Variants in DNAJC24 observed in about 807,000 individuals in gnomAD.
The protein encoded by DNAJC24 is dnaJ homolog subfamily C member 24.
A neutral mutation model predicts 18.0 loss-of-function variants in DNAJC24; 17 were observed. The ratio of observed to expected loss-of-function variants is 0.94; its 90% CI spans 0.65 to 1.42. The LOEUF (loss-of-function observed/expected upper bound fraction) is 1.42. Among genes scored for constraint, DNAJC24 ranks in the 40% most tolerant of loss-of-function variants. The pLI, the probability that DNAJC24 is intolerant of heterozygous loss-of-function variation, is 0.00. For missense variants in DNAJC24, 158 were observed against 175.6 expected (o/e 0.90, Z 0.57); for synonymous variants, 55 against 57.7 (o/e 0.95, Z 0.21).
At chr11:31,390,153 C>T (rs952175552) in intron 2 of DNAJC24, among the ~76,000 whole-genome samples, 5 of 151,940 alleles carry the variant, frequency 3.3e-5, no homozygotes, top group African/African-American at 1.2e-4. Context: ...TAATCCTAGC[C>T]ACCAGGCCAA....
chr11:31,427,128 G>A (rs1441777379), intron 4 of DNAJC24: 1 of 152,034 alleles, frequency 6.6e-6, no homozygotes, highest in Non-Finnish European at 1.5e-5. Flanking sequence ...TAACCTTATT[G>A]TTCAGCATGA....
intron 3 of DNAJC24, among the ~76,000 whole-genome samples, chr11:31,423,380 C>T (rs910806580): frequency 1.3e-5 from 2 of 152,174 alleles, no homozygotes; most frequent in Non-Finnish European, 2.9e-5. Context: ...CCTGTCTCAG[C>T]CTCCCTATTA....
At chr11:31,417,083 CA>C (rs1952757243) in intron 3 of DNAJC24, 1 of 152,088 alleles carries the variant, frequency 6.6e-6, no homozygotes, top group Admixed American at 6.6e-5. Flanking sequence ...GCAAGTTTTT[CA>C]GGCAGCATAT....
intron 2 of DNAJC24, among the ~76,000 whole-genome samples, chr11:31,399,606 A>T (rs1305191095): frequency 6.6e-6 from 1 of 151,108 alleles, no homozygotes; most frequent in East Asian, 2.0e-4. Context: ...TAGAGACGGG[A>T]TTCCAACATA....
chr11:31,430,861 G>A lies in DNAJC24; in HGVS notation c.*460G>A, dbSNP rs1032551587. The A allele has an allele frequency of 6.6e-6, 1 of 152,576 alleles. No homozygotes were observed. The highest frequency in any genetic ancestry group is 1.5e-5 in the Non-Finnish European group (1 of 68,044). The allele number at this position is 152,576 out of a possible 1,614,324, so 9.5% of individuals were successfully genotyped here. A position where few individuals can be genotyped will look rare whatever the true frequency, so the allele number is the denominator to read the frequency against. On this transcript the variant is annotated 3_prime_UTR_variant, in exon 5 of 5. Coordinates refer to ENST00000465995, the MANE Select transcript of DNAJC24 (RefSeq NM_181706.5). Reference sequence around the variant, plus strand: ...AATGTGAGGCCAGTTCTTCCATAAGGAAGGCTGGTTATGGATATTCATAAG... The same window carrying A: ...AATGTGAGGCCAGTTCTTCCATAAGAAAGGCTGGTTATGGATATTCATAAG...
intron 2 of DNAJC24, chr11:31,385,213 A>G (rs1005944682): frequency 1.8e-4 from 28 of 152,314 alleles, no homozygotes; most frequent in African/African-American, 6.7e-4. Context: ...GCAATTTATT[A>G]TTACATAATA....
chr11:31,430,460 G>T lies in DNAJC24; in HGVS notation c.*59G>T. On this transcript the variant is annotated 3_prime_UTR_variant, in exon 5 of 5. Transcript: ENST00000465995. Reference sequence around the variant, plus strand: ...TATTGAGACATGATGAGAAGCCGTTGAGCTTTGTCCATTCAAGGAAATGGA... The same window carrying T: ...TATTGAGACATGATGAGAAGCCGTTTAGCTTTGTCCATTCAAGGAAATGGA... 6.8e-7 allele frequency: 1 copy of T among 1,475,988 alleles called. No individual in the cohort carries two copies. Among genetic ancestry groups the T allele is most frequent in the South Asian group, 1.4e-5 (1 of 73,444 alleles). The allele number at this position is 1,475,988 out of a possible 1,614,324, so 91.4% of individuals were successfully genotyped here. A position where few individuals can be genotyped will look rare whatever the true frequency, so the allele number is the denominator to read the frequency against.
intron 2 of DNAJC24, among the ~76,000 whole-genome samples, chr11:31,402,400 C>G (rs556745724): frequency 6.6e-6 from 1 of 152,288 alleles, no homozygotes; most frequent in Admixed American, 6.5e-5. Flanking sequence ...TCACCGTACA[C>G]TATTGTAGAC....
chr11:31,406,809 T>C (rs564940043), intron 2 of DNAJC24, among the ~76,000 whole-genome samples: 1 of 152,252 alleles, frequency 6.6e-6, no homozygotes, highest in East Asian at 1.9e-4. Flanking sequence ...GTATAATCTA[T>C]AGATTTGGCA....
chr11:31,425,192 C>G (rs1952849746), intron 3 of DNAJC24, among the ~76,000 whole-genome samples: 1 of 151,946 alleles, frequency 6.6e-6, no homozygotes, highest in Non-Finnish European at 1.5e-5. Context: ...AAACTTTGGA[C>G]CAGGAAACAG....
intron 3 of DNAJC24, among the ~76,000 whole-genome samples, chr11:31,423,384 C>G (rs1382692374): frequency 6.6e-6 from 1 of 152,152 alleles, no homozygotes; most frequent in East Asian, 1.9e-4. Context: ...TCTCAGCCTC[C>G]CTATTAGCTA....
At chr11:31,416,098 A>T (rs895811791) in intron 3 of DNAJC24, 3 of 152,174 alleles carry the variant, frequency 2.0e-5, no homozygotes, top group African/African-American at 7.2e-5. Context: ...TATAGTACTA[A>T]TCAGCTCAAA....
chr11:31,424,565 G>T lies in DNAJC24; in HGVS notation c.251-1722G>T, dbSNP rs138676887. Among the ~76,000 whole-genome samples, 87 of 152,140 alleles carry T rather than the reference G, an allele frequency of 5.7e-4. 2 individuals carry two copies. In the East Asian group the frequency reaches 0.015, roughly 26 times the overall value. ...TAGAATGTGGAAATTAACTTGTTTT[G>T]TTCAGAAATTACTTAGCATACAGAT... is the stretch of plus-strand genomic sequence containing the variant. On this transcript the variant is annotated intron_variant, in intron 3 of 4. Transcript: ENST00000465995.
chr11:31,379,264 G>GGC (rs1952350684), intron 2 of DNAJC24, among the ~76,000 whole-genome samples: 1 of 152,104 alleles, frequency 6.6e-6, no homozygotes, highest in African/African-American at 2.4e-5. Context: ...GATCCACTGT[G>GGC]GCACTGGGTT....
intron 2 of DNAJC24, among the ~76,000 whole-genome samples, chr11:31,387,741 G>C (rs1329821802): frequency 6.6e-6 from 1 of 152,118 alleles, no homozygotes; most frequent in Non-Finnish European, 1.5e-5. Flanking sequence ...GACCATCCAG[G>C]AAAACACGAC....
intron 2 of DNAJC24, among the ~76,000 whole-genome samples, chr11:31,402,357 A>G (rs1371158652): frequency 1.3e-5 from 2 of 152,210 alleles, no homozygotes; most frequent in African/African-American, 2.4e-5. Flanking sequence ...GTGGGTGTCA[A>G]TGAGTGGTTA....
intron 2 of DNAJC24, among the ~76,000 whole-genome samples, chr11:31,398,471 T>C (rs1411859438): frequency 1.3e-5 from 2 of 152,256 alleles, no homozygotes; most frequent in Non-Finnish European, 2.9e-5. Context: ...GTTGAAGTTT[T>C]ATTTAAAGAA....
chr11:31,401,955 C>T (rs186385434), intron 2 of DNAJC24, among the ~76,000 whole-genome samples: 82 of 152,252 alleles, frequency 5.4e-4, no homozygotes, highest in African/African-American at 1.9e-3. Flanking sequence ...ATTACGGAGC[C>T]AAATTCTGAG....
At chr11:31,429,124 TGG>T (rs1952893122) in intron 4 of DNAJC24, among the ~76,000 whole-genome samples, 1 of 152,094 alleles carries the variant, frequency 6.6e-6, no homozygotes, top group Admixed American at 6.6e-5. Context: ...TGTTTGCATT[TGG>T]AATTCAAGAT....
Sources: gnomAD v4.1 joint callset for allele counts (sites outside exome capture counted in the v4.1 genomes callset) on GRCh38, gnomAD v4.1.1 for gene constraint, MANE v1.5 for transcripts, NCBI Gene and HGNC (gene_info 2026-07-23, HGNC 2026-07-21) for gene names.